The following KAZN variants were observed in gnomAD, a reference collection of about 807,000 sequenced individuals.
KAZN encodes kazrin.
In KAZN, 40 loss-of-function variants were observed where a neutral mutation model predicts 87.4. That is an observed-to-expected ratio of 0.46 (90% CI 0.36 to 0.60). The LOEUF (loss-of-function observed/expected upper bound fraction) is 0.60, where lower values mean the gene tolerates loss of function less well. KAZN is among the 20% of genes least tolerant of loss of function. KAZN has a pLI of 0.00. For missense variants in KAZN, 898 were observed against 1,073.9 expected (o/e 0.84, Z 2.29); for synonymous variants, 466 against 458.3 (o/e 1.02, Z -0.22).
intron 2 of KAZN, among the ~76,000 whole-genome samples, chr1:14,584,066 G>A (rs1485112582): frequency 6.6e-6 from 1 of 152,158 alleles, no homozygotes; most frequent in Non-Finnish European, 1.5e-5. Context: ...TGCGTTGCCT[G>A]GTCTGCCCAG....
intron 1 of KAZN, among the ~76,000 whole-genome samples, chr1:13,967,542 G>C (rs1210897778): frequency 6.6e-6 from 1 of 152,200 alleles, no homozygotes; most frequent in Non-Finnish European, 1.5e-5. Context: ...GTCAAGTCCT[G>C]CGTTCACCAC....
At chr1:14,033,639 CCTT>C (rs1641420529) in intron 1 of KAZN, among the ~76,000 whole-genome samples, 3 of 152,178 alleles carry the variant, frequency 2.0e-5, no homozygotes, top group African/African-American at 7.2e-5. Flanking sequence ...TGTGCTCACT[CCTT>C]CTTATCTTGC....
chr1:14,763,594 T>A (rs1190597122), intron 1 of KAZN, among the ~76,000 whole-genome samples: 2 of 152,204 alleles, frequency 1.3e-5, no homozygotes, highest in Non-Finnish European at 2.9e-5. Flanking sequence ...GGAATGATGC[T>A]TTAATCCTCT....
At chr1:14,501,136 A>G (rs1284624402) in intron 2 of KAZN, among the ~76,000 whole-genome samples, 1 of 150,942 alleles carries the variant, frequency 6.6e-6, no homozygotes, top group Non-Finnish European at 1.5e-5. Flanking sequence ...AATAAAAATA[A>G]TAATAAAAGC....
intron 1 of KAZN, among the ~76,000 whole-genome samples, chr1:14,775,499 G>T (rs1018371249): frequency 6.6e-6 from 1 of 152,218 alleles, no homozygotes; most frequent in African/African-American, 2.4e-5. Flanking sequence ...CAGCCTTGGC[G>T]TCCACGCCTT....
intron 1 of KAZN, among the ~76,000 whole-genome samples, chr1:14,622,974 T>C (rs1572069592): frequency 6.6e-6 from 1 of 152,020 alleles, no homozygotes; most frequent in South Asian, 2.1e-4. Flanking sequence ...GATGGCAAGG[T>C]TGTGGAGAAA....
intron 2 of KAZN, among the ~76,000 whole-genome samples, chr1:14,548,586 A>G (rs1673318993): frequency 6.6e-6 from 1 of 152,214 alleles, no homozygotes; most frequent in Admixed American, 6.5e-5. Flanking sequence ...ATATATAAGC[A>G]GAATAATATT....
intron 1 of KAZN, among the ~76,000 whole-genome samples, chr1:14,057,157 C>T (rs189080255): frequency 2.7e-5 from 4 of 146,852 alleles, no homozygotes; most frequent in South Asian, 2.2e-4. Context: ...TTTTTTGAGA[C>T]GGAGTCTCAC....
intron 2 of KAZN, among the ~76,000 whole-genome samples, chr1:14,549,461 C>G (rs1673366348): frequency 6.6e-6 from 1 of 152,128 alleles, no homozygotes; most frequent in Non-Finnish European, 1.5e-5. Flanking sequence ...CTGGGCCCCC[C>G]CTTATCCATA....
At chr1:14,103,988 C>A (rs1361803495) in intron 1 of KAZN, among the ~76,000 whole-genome samples, 1 of 152,096 alleles carries the variant, frequency 6.6e-6, no homozygotes, top group East Asian at 1.9e-4. Context: ...AGGCAAAAAT[C>A]GACATTATAA....
At chr1:14,238,649 A>T (rs1273271622) in intron 2 of KAZN, among the ~76,000 whole-genome samples, 12 of 152,248 alleles carry the variant, frequency 7.9e-5, no homozygotes, top group Non-Finnish European at 1.5e-5. Flanking sequence ...ATCTCTCTGG[A>T]TGCTTATTTG....
chr1:15,001,044 A>T (rs1472642700), intron 2 of KAZN, among the ~76,000 whole-genome samples: 1 of 149,658 alleles, frequency 6.7e-6, no homozygotes, highest in African/African-American at 2.6e-5. Flanking sequence ...TCGAGACTGC[A>T]GTGAGCCATG....
At chr1:14,435,397 C>T (rs781032713) in intron 2 of KAZN, among the ~76,000 whole-genome samples, 6 of 152,200 alleles carry the variant, frequency 3.9e-5, no homozygotes, top group Non-Finnish European at 8.8e-5. Flanking sequence ...CTCTCAGGAG[C>T]CACCCTCAGC....
intron 2 of KAZN, among the ~76,000 whole-genome samples, chr1:14,499,523 C>G (rs72645968): frequency 8.5e-5 from 13 of 152,270 alleles, no homozygotes; most frequent in Non-Finnish European, 1.5e-4. Context: ...GGAGGTGTTT[C>G]TGAATAACAA....
intron 8 of KAZN, among the ~76,000 whole-genome samples, chr1:15,092,894 G>C (rs1433394706): frequency 1.3e-5 from 2 of 151,396 alleles, no homozygotes; most frequent in East Asian, 3.9e-4. Context: ...ATATAGAAGA[G>C]TGGGGTTAGA....
At chr1:14,107,888 C>T (rs1382105474) in intron 1 of KAZN, among the ~76,000 whole-genome samples, 1 of 152,160 alleles carries the variant, frequency 6.6e-6, no homozygotes, top group Non-Finnish European at 1.5e-5. Flanking sequence ...CCTGGCCCAC[C>T]TTGTCACACT....
chr1:14,752,434 C>T (rs1644438761), intron 1 of KAZN, among the ~76,000 whole-genome samples: 1 of 152,122 alleles, frequency 6.6e-6, no homozygotes, highest in Non-Finnish European at 1.5e-5. Flanking sequence ...AAACAAAATA[C>T]CTGAGACTGG....
chr1:14,059,192 A>C (rs1642692424), intron 1 of KAZN, among the ~76,000 whole-genome samples: 1 of 152,212 alleles, frequency 6.6e-6, no homozygotes, highest in Non-Finnish European at 1.5e-5. Context: ...GAATTGGCTC[A>C]CACAATTACA....
chr1:14,598,967 C>A lies in KAZN; in HGVS notation c.-31C>A. The A allele has an allele frequency of 1.9e-6, 3 of 1,563,896 alleles. No individual in the cohort carries two copies. The highest frequency in any genetic ancestry group is 2.6e-6 in the Non-Finnish European group (3 of 1,158,650). ...CCGCGCATCATGCAGCTCTTTGTCA[C>A]CTCTCTCGCCCCCAGGCCAAAATCC... On this transcript the variant is annotated 5_prime_UTR_variant, in exon 1 of 15. Transcript: ENST00000376030. The surrounding 1 kb of genome is among the most constrained non-coding windows in gnomAD (Gnocchi z 4.2).
Sources: gnomAD v4.1 joint callset for allele counts (sites outside exome capture counted in the v4.1 genomes callset) on GRCh38, gnomAD v4.1.1 for gene constraint, Gnocchi (gnomAD v3.1) non-coding constraint, MANE v1.5 for transcripts, NCBI Gene and HGNC (gene_info 2026-07-23, HGNC 2026-07-21) for gene names.